The following CTNND2 variants were observed in gnomAD, a reference collection of about 807,000 sequenced individuals.
CTNND2 encodes catenin delta 2.
CTNND2 carries 22 observed loss-of-function variants against 144.4 expected under a neutral mutation model. The ratio of observed to expected loss-of-function variants is 0.15; its 90% confidence interval spans 0.11 to 0.22. The LOEUF is 0.22. Ranked by LOEUF, CTNND2 falls within the 10% of genes least tolerant of loss-of-function variation. The pLI is 1.00. For synonymous variants in CTNND2, 751 were observed against 695.6 expected (o/e 1.08, Z -1.25); for missense variants, 1,353 against 1,618.8 (o/e 0.84, Z 2.82).
intron 3 of CTNND2, among the ~76,000 whole-genome samples, chr5:11,560,284 C>T (rs1185236718): frequency 6.6e-6 from 1 of 152,094 alleles, no homozygotes; most frequent in African/African-American, 2.4e-5. Flanking sequence ...AGGAGCAGTC[C>T]ATAGATAGAT....
At chr5:11,542,225 C>T (rs1413493348) in intron 3 of CTNND2, among the ~76,000 whole-genome samples, 1 of 152,054 alleles carries the variant, frequency 6.6e-6, no homozygotes, top group Non-Finnish European at 1.5e-5. Context: ...TGCAGGGACC[C>T]ACCGCCTGTT....
At chr5:11,363,107 G>C (rs1756631875) in intron 8 of CTNND2, among the ~76,000 whole-genome samples, 2 of 152,330 alleles carry the variant, frequency 1.3e-5, no homozygotes, top group South Asian at 4.1e-4. Flanking sequence ...TACTAAAGTA[G>C]ATTGGTGAGC....
chr5:11,373,364 C>T (rs885645), intron 7 of CTNND2, among the ~76,000 whole-genome samples: 4,323 of 152,212 alleles, frequency 0.028, 258 homozygotes, highest in East Asian at 0.15. Flanking sequence ...GGGGACCCAC[C>T]ACCATGTCTG....
intron 15 of CTNND2, among the ~76,000 whole-genome samples, chr5:11,094,435 C>T (rs2149659125): frequency 6.6e-6 from 1 of 151,594 alleles, no homozygotes; most frequent in South Asian, 2.1e-4. Flanking sequence ...AGTATCTACT[C>T]TCCCTCCTTA....
intron 9 of CTNND2, among the ~76,000 whole-genome samples, chr5:11,244,770 C>A (rs757010957): frequency 6.6e-6 from 1 of 152,152 alleles, no homozygotes; most frequent in Non-Finnish European, 1.5e-5. Flanking sequence ...AACATTAATT[C>A]ATTCAACCAT....
intron 1 of CTNND2, among the ~76,000 whole-genome samples, chr5:11,823,086 TC>T (rs1470188539): frequency 2.0e-5 from 3 of 152,216 alleles, no homozygotes; most frequent in Non-Finnish European, 4.4e-5. Flanking sequence ...ATTCCTTGAA[TC>T]CATATTCAGT....
At chr5:11,552,365 CAT>C (rs1278558299) in intron 3 of CTNND2, among the ~76,000 whole-genome samples, 3 of 152,208 alleles carry the variant, frequency 2.0e-5, no homozygotes, top group Admixed American at 6.5e-5. Context: ...TGTTCTCCCT[CAT>C]ATAAAGTTCA....
At chr5:11,377,217 A>AT (rs113704760) in intron 7 of CTNND2, among the ~76,000 whole-genome samples, 46 of 148,860 alleles carry the variant, frequency 3.1e-4, no homozygotes, top group East Asian at 7.9e-4. Context: ...CACCTGGCTA[A>AT]TTTTTTTTTT....
intron 16 of CTNND2, among the ~76,000 whole-genome samples, chr5:11,076,271 G>A (rs767048109): frequency 5.9e-5 from 9 of 152,200 alleles, no homozygotes; most frequent in Non-Finnish European, 1.2e-4. Flanking sequence ...GCTTTGAATG[G>A]TGGTGGCAGG....
At chr5:11,393,023 A>T (rs1759769562) in intron 6 of CTNND2, among the ~76,000 whole-genome samples, 1 of 152,168 alleles carries the variant, frequency 6.6e-6, no homozygotes, top group South Asian at 2.1e-4. Context: ...CACCCGCATG[A>T]GTGTGCACCA....
At chr5:11,470,469 T>A (rs1387638258) in intron 3 of CTNND2, among the ~76,000 whole-genome samples, 1 of 151,986 alleles carries the variant, frequency 6.6e-6, no homozygotes, top group East Asian at 1.9e-4. Flanking sequence ...GTACAGAGAG[T>A]TTTGATTGTC....
chr5:11,821,145 T>C (rs1274378019), intron 1 of CTNND2, among the ~76,000 whole-genome samples: 1 of 152,198 alleles, frequency 6.6e-6, no homozygotes, highest in Non-Finnish European at 1.5e-5. Context: ...ACATACAATA[T>C]ATCCAATATA....
intron 2 of CTNND2, among the ~76,000 whole-genome samples, chr5:11,702,372 T>C (rs2126673504): frequency 6.6e-6 from 1 of 152,344 alleles, no homozygotes; most frequent in Middle Eastern, 3.4e-3. Flanking sequence ...CACATGTACA[T>C]GTTAGTTTTC....
chr5:10,995,247 A>G (rs780823555), intron 18 of CTNND2, among the ~76,000 whole-genome samples: 2 of 152,224 alleles, frequency 1.3e-5, no homozygotes, highest in African/African-American at 2.4e-5. Flanking sequence ...AGGACATTCC[A>G]ATATTGAGAG....
chr5:11,613,690 C>G (rs1052230834), intron 2 of CTNND2, among the ~76,000 whole-genome samples: 1 of 152,184 alleles, frequency 6.6e-6, no homozygotes, highest in Non-Finnish European at 1.5e-5. Context: ...GAGCCTGTTG[C>G]CTGCTAAAGT....
intron 2 of CTNND2, among the ~76,000 whole-genome samples, chr5:11,621,597 A>G (rs181111826): frequency 6.6e-6 from 1 of 152,350 alleles, no homozygotes; most frequent in Non-Finnish European, 1.5e-5. Context: ...ATATAAATAC[A>G]TAACAAATAC....
In CTNND2 at chr5:11,227,919, A is replaced by C. The variant is rs562958660; in HGVS notation, c.1761+8772T>G. ...GGTTATATTTTTCTGGCAACTTCTA[A>C]TTTAAGACTTAGCATGGCCATCAGT... On this transcript the variant is annotated intron_variant, in intron 10 of 21. Transcript: ENST00000304623. Among the ~76,000 whole-genome samples, 4 of 152,250 alleles carry C rather than the reference A, an allele frequency of 2.6e-5. No homozygotes were observed. The South Asian group carries it at 8.3e-4, about 32-fold the overall frequency.
At chr5:11,501,431 G>A (rs1243645028) in intron 3 of CTNND2, among the ~76,000 whole-genome samples, 4 of 152,154 alleles carry the variant, frequency 2.6e-5, no homozygotes, top group Non-Finnish European at 5.9e-5. Context: ...TGACTACTGG[G>A]TCTCTCACCT....
chr5:11,895,217 G>C (rs1021892464), intron 1 of CTNND2, among the ~76,000 whole-genome samples: 1 of 152,168 alleles, frequency 6.6e-6, no homozygotes, highest in Non-Finnish European at 1.5e-5. Context: ...TTTTCACACA[G>C]TGATCCTGGA....
Sources: gnomAD v4.1 joint callset for allele counts (sites outside exome capture counted in the v4.1 genomes callset) on GRCh38, gnomAD v4.1.1 for gene constraint, MANE v1.5 for transcripts, NCBI Gene and HGNC (gene_info 2026-07-23, HGNC 2026-07-21) for gene names.